SLC29A2: variants seen among roughly 807,000 people sequenced by gnomAD.
The protein encoded by SLC29A2 is solute carrier family 29 member 2, also known as equilibrative nucleoside transporter 2.
A neutral mutation model predicts 48.8 loss-of-function variants in SLC29A2; 37 were observed. The observed-to-expected ratio is 0.76, with a 90% CI of 0.58 to 1.00. The LOEUF (loss-of-function observed/expected upper bound fraction) is 1.00. Ranked by LOEUF, SLC29A2 falls within the 50% of genes least tolerant of loss-of-function variation. The pLI is 0.00. For missense variants in SLC29A2, 533 were observed against 578.6 expected (o/e 0.92, Z 0.81); for synonymous variants, 233 against 261.7 (o/e 0.89, Z 1.06).
intron 1 of SLC29A2, 117 bp from the exon 2 acceptor site, chr11:66,371,442 G>T: frequency 6.6e-7 from 1 of 1,506,860 alleles, no homozygotes; most frequent in Non-Finnish European, 9.1e-7. Flanking sequence ...GGTTCCGGCG[G>T]CCGAGGGAGT....
intron 4 of SLC29A2, among the ~76,000 whole-genome samples, 180 bp downstream of exon 4, chr11:66,368,880 G>C (rs1855862099): frequency 6.6e-6 from 1 of 152,198 alleles, no homozygotes; most frequent in African/African-American, 2.4e-5. Context: ...TGACCAGGAG[G>C]CCTGCTCCTA....
intron 10 of SLC29A2, among the ~76,000 whole-genome samples, chr11:66,365,674 C>A (rs1238041509): frequency 6.6e-6 from 1 of 152,228 alleles, no homozygotes; most frequent in Non-Finnish European, 1.5e-5. Flanking sequence ...GGTGCAGGAA[C>A]CTCCATGTAA....
At position 66,369,053 on chromosome 11, in the gene SLC29A2, T is replaced by G. The variant is rs1186910506; in HGVS notation, c.415+7A>C. On this transcript the variant is annotated splice_region_variant and intron_variant, in intron 4 of 11. Transcript: ENST00000357440. ...AGGCTGGCTGGAGAGGGGGTGGAGGTGCTCACAGTTGATGAAGCAGACGGA... is the reference window on the plus strand; with the variant it reads ...AGGCTGGCTGGAGAGGGGGTGGAGGGGCTCACAGTTGATGAAGCAGACGGA... The G allele has an allele frequency of 6.3e-7, 1 of 1,594,788 alleles. No individual in the cohort carries two copies. The highest frequency in any genetic ancestry group is 8.5e-7 in the Non-Finnish European group (1 of 1,171,338).
intron 11 of SLC29A2, 121 bp downstream of exon 11, chr11:66,364,104 C>T: frequency 1.2e-6 from 1 of 845,786 alleles, no homozygotes; most frequent in Non-Finnish European, 1.9e-6. Flanking sequence ...GGCCTGCAGA[C>T]AGCTAGGGTT....
Position 66,364,295 on chromosome 11 carries a change from T to G in SLC29A2, c.1189A>C (p.Ile397Leu), listed in dbSNP as rs772546854. ...PILFPQDAYF[I>L]TFMLLFAVSN... ...ACGGCAAAGAGCAGCATGAAGGTGA[T>G]GAAGTAGGCATCCTGTGGGAAGAGG... The change falls in exon 11 of 12, where the codon ATC (isoleucine) becomes CTC (leucine). Residue 397 changes from isoleucine (I) to leucine (L), a missense_variant. Coordinates refer to ENST00000357440, the MANE Select transcript of SLC29A2 (RefSeq NM_001532.3). 2 of 1,613,646 alleles carry G rather than the reference T, an allele frequency of 1.2e-6. No homozygotes were observed. The highest frequency in any genetic ancestry group is 1.7e-6 in the Non-Finnish European group (2 of 1,179,942).
Position 66,368,601 on chromosome 11 carries a change from G to A in SLC29A2, c.486C>T (p.Leu162=). The A allele has an allele frequency of 6.2e-7, 1 of 1,610,016 alleles. No homozygotes were observed. The highest frequency in any genetic ancestry group is 8.5e-7 in the Non-Finnish European group (1 of 1,178,294). ...LGTMPSTYST[L]FLSGQGLAGI... The stretch of plus-strand genomic sequence containing the variant: ...CAGCCAGGCCCTGGCCGCTGAGGAA[G>A]AGGGTGCTGTAGGTGGAGGGCATGG... The change falls in exon 5 of 12, where the codon CTC becomes CTT. Residue 162 remains leucine, a synonymous_variant. Coordinates refer to ENST00000357440, the MANE Select transcript of SLC29A2 (RefSeq NM_001532.3).
intron 10 of SLC29A2, 40 bp from the exon 11 acceptor site, chr11:66,364,464 G>T: frequency 6.6e-7 from 1 of 1,518,278 alleles, no homozygotes; most frequent in Admixed American, 1.8e-5. Context: ...CCTGGAGCCA[G>T]GTCTCTGCTC....
Position 66,364,430 on chromosome 11 carries a change from G to A in SLC29A2, c.1060-6C>T, listed in dbSNP as rs1485199328. 6.2e-7 allele frequency: 1 copy of A among 1,608,404 alleles called. No homozygotes were observed. Among genetic ancestry groups the A allele is most frequent in the Non-Finnish European group, 8.5e-7 (1 of 1,177,538 alleles). ...AGCCGGCTGTCCTCGTCTGGCTGTG[G>A]TAGAAGCTGAAGTCAGCATGGTCCC... On this transcript the variant is annotated splice_region_variant and splice_polypyrimidine_tract_variant and intron_variant, in intron 10 of 11. Coordinates refer to ENST00000357440, the MANE Select transcript of SLC29A2 (RefSeq NM_001532.3).
intron 10 of SLC29A2, 79 bp from the exon 11 acceptor site, chr11:66,364,503 CTTT>C (rs10605893): frequency 0.093 from 58,955 of 635,224 alleles, 15 homozygotes; most frequent in Middle Eastern, 0.13. Flanking sequence ...CCATAGAGTA[CTTT>C]TTTTTTTTTT....
intron 2 of SLC29A2, 84 bp from the exon 3 acceptor site, chr11:66,369,616 T>C: frequency 6.7e-7 from 1 of 1,496,564 alleles, no homozygotes; most frequent in South Asian, 1.1e-5. Flanking sequence ...TGCTTTCTAA[T>C]GTCTGTGGGG....
rs1364418368 is a variant in SLC29A2 at position 66,371,683 on chromosome 11, G to C, written c.-92C>G. 2 of 1,321,290 alleles carry C rather than the reference G, an allele frequency of 1.5e-6. No individual in the cohort carries two copies. Among genetic ancestry groups the C allele is most frequent in the African/African-American group, 2.9e-5 (2 of 68,484 alleles). 81.8% of individuals were successfully genotyped at this position (1,321,290 alleles called of 1,614,324 possible). ...CGGAGGGCCGCAGACCGGTGGGGCG[G>C]GGGGCGGGTCTCCCCAGATTCCGGT... On this transcript the variant is annotated 5_prime_UTR_variant, in exon 1 of 12. Transcript: ENST00000357440.
intron 4 of SLC29A2, among the ~76,000 whole-genome samples, 152 bp downstream of exon 4, chr11:66,368,907 AC>A (rs1340549416): frequency 2.6e-5 from 4 of 151,574 alleles, no homozygotes; most frequent in Admixed American, 2.6e-4. Flanking sequence ...CGGACAAGTG[AC>A]TCTTCCCCTC....
Position 66,369,515 on chromosome 11 carries a change from C to A in SLC29A2, c.129G>T (p.Leu43=). ...ITAIPYFQAR[L]AGAGNSTARI... ...TGGCTGTGCTGTTGCCGGCCCCGGC[C>A]AGTCGCGCCTGGAAGTACTGCCAGG... The change falls in exon 3 of 12, where the codon CTG becomes CTT. Residue 43 remains leucine (L), a synonymous_variant. Transcript: ENST00000357440. 1 of 1,613,866 alleles carries A rather than the reference C, an allele frequency of 6.2e-7. No individual in the cohort carries two copies. Among genetic ancestry groups the A allele is most frequent in the South Asian group, 1.1e-5 (1 of 91,076 alleles).
At chr11:66,370,536 C>T (rs1352744027) in intron 2 of SLC29A2, among the ~76,000 whole-genome samples, 1 of 152,220 alleles carries the variant, frequency 6.6e-6, no homozygotes, top group Non-Finnish European at 1.5e-5. Context: ...TCCCCAGTGC[C>T]TGCTCCACAG....
In SLC29A2 at chr11:66,369,356, G is replaced by T; in HGVS notation, c.275+13C>A. The T allele has an allele frequency of 6.2e-7, 1 of 1,613,844 alleles. No individual in the cohort carries two copies. ...CTCGGCAGAGGGCGCAGGAGCCAGG[G>T]CAGGCCTCTCACCACTGGTACAGGA... is the stretch of plus-strand genomic sequence containing the variant. On this transcript the variant is annotated intron_variant, in intron 3 of 11. Coordinates refer to ENST00000357440, the MANE Select transcript of SLC29A2 (RefSeq NM_001532.3).
chr11:66,368,428 G>A (rs1021111702), intron 5 of SLC29A2, 109 bp downstream of exon 5: 14 of 1,442,864 alleles, frequency 9.7e-6, no homozygotes, highest in Middle Eastern at 1.7e-4. Flanking sequence ...CATATCACCT[G>A]CTTACCTCCA....
chr11:66,371,404 C>G, intron 1 of SLC29A2, 79 bp from the exon 2 acceptor site: 1 of 1,553,014 alleles, frequency 6.4e-7, no homozygotes. Flanking sequence ...CCACCCCCTC[C>G]GGAGCGGACT....
rs1443156871 is a variant in SLC29A2 at position 66,371,312 on chromosome 11, C to T, written c.43G>A (p.Gly15Arg). 6.2e-7 allele frequency: 1 copy of T among 1,613,738 alleles called. No individual in the cohort carries two copies. The highest frequency in any genetic ancestry group is 1.3e-5 in the African/African-American group (1 of 74,922). Residue 15 changes from glycine to arginine, a missense_variant, in exon 2 of 12, where the codon GGG becomes AGG. Transcript: ENST00000357440. ...DAPRDSYHLV[G>R]ISFFILGLGT... ...AGCCCCAGGATGAAGAAGCTGATCC[C>T]GACCAGGTGGTAGCTGTGGGGATCG... is the stretch of plus-strand genomic sequence containing the variant.
In SLC29A2 at chr11:66,370,987, G is replaced by A. The variant is rs543622664; in HGVS notation, c.111+257C>T. Among the ~76,000 whole-genome samples the A allele has an allele frequency of 3.9e-5, 6 of 152,162 alleles. No individual in the cohort carries two copies. In the South Asian group the frequency reaches 8.3e-4, roughly 21 times the overall value. ...ACTGACTCAGGAATAACGACACACA[G>A]AGAGGGGTGGCAGCGCCTTTGCTCA... On this transcript the variant is annotated intron_variant, in intron 2 of 11. Transcript: ENST00000357440.
Sources: gnomAD v4.1 joint callset for allele counts (sites outside exome capture counted in the v4.1 genomes callset) on GRCh38, gnomAD v4.1.1 for gene constraint, MANE v1.5 for transcripts, NCBI Gene and HGNC (gene_info 2026-07-23, HGNC 2026-07-21) for gene names.